The following PCDHA2 variants were observed in gnomAD, a reference collection of about 807,000 sequenced individuals.
PCDHA2 encodes protocadherin alpha-2.
In PCDHA2, 58 loss-of-function variants were observed where a neutral mutation model predicts 66.0. The observed-to-expected ratio is 0.88, with a 90% CI of 0.71 to 1.09. The LOEUF (loss-of-function observed/expected upper bound fraction) is 1.09, where lower values mean the gene tolerates loss of function less well. PCDHA2 is among the 50% of genes least tolerant of loss of function. The probability of loss-of-function intolerance (pLI) is 0.00; values close to 1 mark genes in which losing one functional copy is unlikely to be tolerated. For missense variants in PCDHA2, 1,267 were observed against 1,242.3 expected, an observed-to-expected ratio of 1.02 and a Z score of -0.30; for synonymous variants, 634 against 554.0, an observed-to-expected ratio of 1.14 and a Z score of -2.03.
rs782547899 is a variant in PCDHA2, at chr5:140,795,881, G to GA, written c.921dup (p.Leu308IlefsTer4). 6.2e-7 allele frequency: 1 copy of GA among 1,613,936 alleles called. No individual in the cohort carries two copies. The highest frequency in any genetic ancestry group is 1.1e-5 in the South Asian group (1 of 91,080). On this transcript the variant is annotated frameshift_variant, in exon 1 of 4. Transcript: ENST00000526136. LOFTEE classifies it high-confidence loss of function. ...ATCTCAGGGGAAATCAGAACTAAGG[G>GA]AAAATTAGATTATGAAGAAGCAAAG...
At position 140,912,741 on chromosome 5, in the gene PCDHA2, C is replaced by T. The variant is rs371215646; in HGVS notation, c.2389-66208C>T. Among the ~76,000 whole-genome samples the T allele has an allele frequency of 2.1e-3, 323 of 152,182 alleles. 1 individual carries two copies. Among genetic ancestry groups the T allele is most frequent in the African/African-American group, 7.6e-3 (315 of 41,526 alleles). ...ATTCAATATGATGTTGGCTGTGGGT[C>T]TGTCATAGATGGCTTTTATTACTTT... On this transcript the variant is annotated intron_variant, in intron 1 of 3. Transcript: ENST00000526136.
At chr5:140,869,601 T>C (rs1581902552) in intron 1 of PCDHA2, 1 of 1,613,936 alleles carries the variant, frequency 6.2e-7, no homozygotes, top group East Asian at 2.2e-5. Context: ...AAGAGAATGC[T>C]CTATTGACCT....
intron 1 of PCDHA2, chr5:140,836,020 G>A (rs1267674995): frequency 2.5e-6 from 4 of 1,613,464 alleles, no homozygotes; most frequent in Admixed American, 3.3e-5. Flanking sequence ...CCGCCTCTGG[G>A]CAGCAACGTG....
chr5:140,831,510 TG>T (rs1269188191), intron 1 of PCDHA2, among the ~76,000 whole-genome samples: 3 of 137,202 alleles, frequency 2.2e-5, no homozygotes, highest in Non-Finnish European at 4.6e-5. Flanking sequence ...AGCACCACCA[TG>T]CCCCCCACCT....
rs543390372 is a variant in PCDHA2 at position 140,900,669 on chromosome 5, A to G, written c.2389-78280A>G. 4.8e-4 allele frequency among the ~76,000 whole-genome samples: 73 copies of G among 152,334 alleles called. 1 individual carries two copies. The highest frequency in any genetic ancestry group is 1.5e-3 in the South Asian group (7 of 4,824). On this transcript the variant is annotated intron_variant, in intron 1 of 3. Transcript: ENST00000526136. ...CTGCTGCAATGAACAATGGGAGTGC[A>G]GTTATCTCTTCAATATACTGATTTC...
chr5:140,950,919 T>TCCACA (rs1554219687), intron 1 of PCDHA2, among the ~76,000 whole-genome samples: 4 of 152,198 alleles, frequency 2.6e-5, no homozygotes, highest in African/African-American at 9.6e-5. Context: ...TTTATTTCAG[T>TCCACA]TCTTTTTCTT....
chr5:140,836,541 G>A (rs2150263508), intron 1 of PCDHA2: 2 of 1,613,818 alleles, frequency 1.2e-6, no homozygotes, highest in Non-Finnish European at 1.7e-6. Context: ...GCTGTACACG[G>A]CGTTGCGGTG....
At position 140,807,863 on chromosome 5, in the gene PCDHA2, G is replaced by T. The variant is rs529221273; in HGVS notation, c.2388+10511G>T. The T allele has an allele frequency of 6.2e-6, 10 of 1,614,064 alleles. No homozygotes were observed. In the South Asian group the frequency reaches 8.8e-5, roughly 14 times the overall value. On this transcript the variant is annotated intron_variant, in intron 1 of 3. Coordinates refer to ENST00000526136, the MANE Select transcript of PCDHA2 (RefSeq NM_018905.3). Reference sequence around the variant, plus strand: ...AGGCAAACCCGAGTTGACTGGCACCGTTCAGTTACTCATCACAGTACTGGA... The same window carrying T: ...AGGCAAACCCGAGTTGACTGGCACCTTTCAGTTACTCATCACAGTACTGGA...
chr5:140,822,693 A>G, intron 1 of PCDHA2: 1 of 1,609,820 alleles, frequency 6.2e-7, no homozygotes, highest in African/African-American at 1.3e-5. Context: ...TTAACGGGGA[A>G]CTGGATTATG....
intron 1 of PCDHA2, chr5:140,829,401 C>G: frequency 6.2e-7 from 1 of 1,614,092 alleles, no homozygotes; most frequent in Non-Finnish European, 8.5e-7. Context: ...TCGCTGTGGG[C>G]CACCGCCAGC....
intron 1 of PCDHA2, chr5:140,882,313 G>A (rs2059060330): frequency 1.2e-6 from 2 of 1,614,128 alleles, no homozygotes; most frequent in Non-Finnish European, 1.7e-6. Flanking sequence ...GGCAACTACT[G>A]CTCTGGCTTC....
intron 1 of PCDHA2, chr5:140,968,724 G>C: frequency 6.2e-7 from 1 of 1,614,090 alleles, no homozygotes; most frequent in Non-Finnish European, 8.5e-7. Context: ...GATGAGAGTG[G>C]TAGCACTTTC....
intron 1 of PCDHA2, chr5:140,850,131 G>A (rs2150469102): frequency 2.5e-6 from 4 of 1,595,702 alleles, no homozygotes; most frequent in Admixed American, 1.7e-5. Context: ...GCCGCCTCTG[G>A]GCAGCAACGT....
chr5:140,877,321 G>A (rs1554169599), intron 1 of PCDHA2: 2 of 1,614,000 alleles, frequency 1.2e-6, no homozygotes, highest in South Asian at 2.2e-5. Context: ...GGCGGCGGTC[G>A]GCGCGCACAT....
At chr5:140,883,593 C>T (rs2059688395) in intron 1 of PCDHA2, 1 of 1,613,954 alleles carries the variant, frequency 6.2e-7, no homozygotes, top group Non-Finnish European at 8.5e-7. Context: ...GCCAGCGTGT[C>T]GGTGGGGGTG....
chr5:140,873,889 G>T (rs1373623503), intron 1 of PCDHA2, among the ~76,000 whole-genome samples: 2 of 152,182 alleles, frequency 1.3e-5, no homozygotes, highest in South Asian at 4.1e-4. Context: ...TTGAACTCCT[G>T]ACCTCAGGTG....
chr5:140,952,303 AC>A (rs1554220328), intron 1 of PCDHA2, among the ~76,000 whole-genome samples: 1 of 147,998 alleles, frequency 6.8e-6, no homozygotes, highest in African/African-American at 2.5e-5. Flanking sequence ...CAGCCATTTC[AC>A]TCCAGCCTGG....
intron 1 of PCDHA2, chr5:140,884,416 G>T (rs1035372416): frequency 1.2e-6 from 2 of 1,614,006 alleles, no homozygotes; most frequent in East Asian, 4.5e-5. Flanking sequence ...TCACGTTGCT[G>T]CTGTATACTG....
chr5:140,963,300 TAAG>T (rs1387833703), intron 1 of PCDHA2, among the ~76,000 whole-genome samples: 2 of 152,120 alleles, frequency 1.3e-5, no homozygotes, highest in African/African-American at 4.8e-5. Flanking sequence ...GGAGAGAAAA[TAAG>T]AAGCTGTTTG....
Sources: allele counts gnomAD v4.1 joint callset (sites outside exome capture counted in the v4.1 genomes callset), GRCh38; gene constraint gnomAD v4.1.1; transcripts MANE v1.5; gene names NCBI Gene and HGNC (gene_info 2026-07-23, HGNC 2026-07-21).